Variants in PHACTR4 observed in about 807,000 individuals in gnomAD.
The protein encoded by PHACTR4 is protein phosphatase 1, regulatory subunit 124.
Under a neutral mutation model 72.7 loss-of-function variants are expected in PHACTR4, and 51 were observed. The ratio of observed to expected loss-of-function variants is 0.70; its 90% CI spans 0.56 to 0.89. PHACTR4 has a LOEUF of 0.89. Among genes scored for constraint, PHACTR4 ranks in the 40% least tolerant of loss-of-function variants. PHACTR4 has a pLI of 0.00. For synonymous variants in PHACTR4, 255 were observed against 302.5 expected (o/e 0.84, Z 1.63); for missense variants, 731 against 861.8 (o/e 0.85, Z 1.90).
intron 2 of PHACTR4, among the ~76,000 whole-genome samples, chr1:28,411,532 T>C (rs1391084908): frequency 6.6e-6 from 1 of 152,206 alleles, no homozygotes; most frequent in African/African-American, 2.4e-5. Flanking sequence ...TACACACATA[T>C]ACATATGATA....
intron 2 of PHACTR4, among the ~76,000 whole-genome samples, chr1:28,447,390 TTTTTC>T (rs1369711550): frequency 1.3e-5 from 2 of 150,928 alleles, no homozygotes; most frequent in Admixed American, 1.3e-4. Flanking sequence ...TCCTCTTTCT[TTTTTC>T]TTTTTTTTTT....
intron 11 of PHACTR4, 45 bp from the exon 12 acceptor site, chr1:28,491,605 G>A: frequency 6.2e-7 from 1 of 1,613,566 alleles, no homozygotes; most frequent in Non-Finnish European, 8.5e-7. Flanking sequence ...CATGATTGAT[G>A]CCTAATTATT....
At chr1:28,467,745 A>G (rs1378244760) in intron 6 of PHACTR4, among the ~76,000 whole-genome samples, 1 of 152,186 alleles carries the variant, frequency 6.6e-6, no homozygotes, top group African/African-American at 2.4e-5. Context: ...TGCTATTCTT[A>G]TGTTAAAATA....
At chr1:28,392,719 G>A (rs1244046347) in intron 1 of PHACTR4, among the ~76,000 whole-genome samples, 1 of 151,564 alleles carries the variant, frequency 6.6e-6, no homozygotes, top group African/African-American at 2.4e-5. Flanking sequence ...TATCCTTTAA[G>A]CAAAAAGATG....
chr1:28,434,776 C>T (rs1020182956), intron 2 of PHACTR4, among the ~76,000 whole-genome samples: 7 of 152,166 alleles, frequency 4.6e-5, no homozygotes, highest in African/African-American at 1.7e-4. Flanking sequence ...GAGGGATCCT[C>T]CTACCTTCGC....
chr1:28,398,210 G>A (rs1653668751), intron 1 of PHACTR4, among the ~76,000 whole-genome samples: 1 of 152,124 alleles, frequency 6.6e-6, no homozygotes. Flanking sequence ...GCTGCCATTA[G>A]CAACAGCAGC....
intron 1 of PHACTR4, among the ~76,000 whole-genome samples, chr1:28,370,174 C>T (rs1211159758): frequency 6.6e-6 from 1 of 152,048 alleles, no homozygotes; most frequent in Non-Finnish European, 1.5e-5. Flanking sequence ...TCCCCCGGTC[C>T]CCAACAGGGA....
At chr1:28,427,406 A>G (rs1409681511) in intron 2 of PHACTR4, among the ~76,000 whole-genome samples, 2 of 152,022 alleles carry the variant, frequency 1.3e-5, no homozygotes, top group African/African-American at 4.8e-5. Flanking sequence ...CGCACCTGTA[A>G]TCCCAGCTAC....
chr1:28,459,965 C>A (rs1658676320), intron 3 of PHACTR4, among the ~76,000 whole-genome samples: 1 of 152,164 alleles, frequency 6.6e-6, no homozygotes, highest in Non-Finnish European at 1.5e-5. Context: ...AAATAACTTA[C>A]TAATGAAATT....
intron 9 of PHACTR4, among the ~76,000 whole-genome samples, chr1:28,487,729 T>TGTTG (rs1459957877): frequency 9.5e-5 from 10 of 105,366 alleles, no homozygotes; most frequent in South Asian, 3.0e-4. Flanking sequence ...TTTTTGTTGT[T>TGTTG]TTTTTTTTTT....
chr1:28,446,568 C>T (rs1202795760), intron 2 of PHACTR4, among the ~76,000 whole-genome samples: 4 of 152,136 alleles, frequency 2.6e-5, no homozygotes, highest in Admixed American at 6.6e-5. Flanking sequence ...ATCATGAGGT[C>T]GGGAGTTCAA....
chr1:28,420,145 T>C (rs1367811395), intron 2 of PHACTR4, among the ~76,000 whole-genome samples: 1 of 152,076 alleles, frequency 6.6e-6, no homozygotes, highest in Non-Finnish European at 1.5e-5. Flanking sequence ...TCCCAGCCAC[T>C]CAGGAGGCTG....
At chr1:28,385,685 C>T (rs1652511035) in intron 1 of PHACTR4, among the ~76,000 whole-genome samples, 1 of 147,344 alleles carries the variant, frequency 6.8e-6, no homozygotes, top group Non-Finnish European at 1.5e-5. Flanking sequence ...GGTGCGATTC[C>T]AACTCACTGC....
At chr1:28,454,112 T>C (rs1658186490) in intron 2 of PHACTR4, among the ~76,000 whole-genome samples, 1 of 151,948 alleles carries the variant, frequency 6.6e-6, no homozygotes, top group Non-Finnish European at 1.5e-5. Flanking sequence ...TAATCCCAGC[T>C]GCTCTGGAGA....
chr1:28,391,270 G>A (rs1446904893), intron 1 of PHACTR4, among the ~76,000 whole-genome samples: 2 of 149,962 alleles, frequency 1.3e-5, no homozygotes, highest in African/African-American at 2.5e-5. Flanking sequence ...GTGGTGGTGG[G>A]CACCTGTAGT....
At chr1:28,396,206 C>G (rs1282743993) in intron 1 of PHACTR4, among the ~76,000 whole-genome samples, 4 of 151,804 alleles carry the variant, frequency 2.6e-5, no homozygotes, top group Non-Finnish European at 5.9e-5. Flanking sequence ...TTCCAGATTT[C>G]CAGGGAAAAG....
chr1:28,420,334 G>A (rs1655429739), intron 2 of PHACTR4, among the ~76,000 whole-genome samples: 1 of 152,122 alleles, frequency 6.6e-6, no homozygotes, highest in South Asian at 2.1e-4. Context: ...ACCCCATGCT[G>A]TTCTCATGAT....
intron 2 of PHACTR4, among the ~76,000 whole-genome samples, chr1:28,448,780 A>AAAC (rs1553195452): frequency 1.5e-5 from 2 of 134,450 alleles, no homozygotes; most frequent in Admixed American, 7.2e-5. Flanking sequence ...AAAAAAAAAA[A>AAAC]AAAAACCTGA....
rs958117904 is a variant in PHACTR4 at position 28,380,298 on chromosome 1, C to T, written c.-39+10473C>T. ...GTCTCGATCTCCTGACCTCGTGATC[C>T]GCCCGCCTCGGCCTCCCAAAGTGCT... On this transcript the variant is annotated intron_variant, in intron 1 of 13. Coordinates refer to ENST00000373839, the MANE Select transcript of PHACTR4 (RefSeq NM_001048183.3). Among the ~76,000 whole-genome samples, 5 of 151,630 alleles carry T rather than the reference C, an allele frequency of 3.3e-5. No individual in the cohort carries two copies. The East Asian group carries it at 5.8e-4, about 18-fold the overall frequency.
Sources: gnomAD v4.1 joint callset for allele counts (sites outside exome capture counted in the v4.1 genomes callset) on GRCh38, gnomAD v4.1.1 for gene constraint, MANE v1.5 for transcripts, NCBI Gene and HGNC (gene_info 2026-07-23, HGNC 2026-07-21) for gene names.